KIF13B: variants seen among roughly 807,000 people sequenced by gnomAD.
KIF13B encodes the protein kinesin-like protein KIF13B.
KIF13B carries 127 observed loss-of-function variants against 222.0 expected under a neutral mutation model. That is an observed-to-expected ratio of 0.57 (90% CI 0.50 to 0.66). The LOEUF is 0.66. Among genes scored for constraint, KIF13B ranks in the 30% least tolerant of loss-of-function variants. The pLI is 0.00. For missense variants in KIF13B, 2,173 were observed against 2,379.0 expected (o/e 0.91, Z 1.80); for synonymous variants, 976 against 919.0 (o/e 1.06, Z -1.12).
At chr8:29,110,164 A>C in intron 32 of KIF13B, 94 bp from the exon 33 acceptor site, 3 of 1,077,044 alleles carry the variant, frequency 2.8e-6, no homozygotes, top group Non-Finnish European at 4.0e-6. Context: ...ACGTATTCCA[A>C]AATTCCATTT....
At chr8:29,240,035 A>AG (rs1168342946) in intron 2 of KIF13B, among the ~76,000 whole-genome samples, 7 of 149,480 alleles carry the variant, frequency 4.7e-5, no homozygotes, top group African/African-American at 1.7e-4. Flanking sequence ...AACACAAAAG[A>AG]GGAAAAAAAA....
At chr8:29,176,011 T>C in intron 10 of KIF13B, 57 bp downstream of exon 10, 1 of 982,956 alleles carries the variant, frequency 1.0e-6, no homozygotes, top group Non-Finnish European at 1.6e-6. Flanking sequence ...TACTCTTTTT[T>C]CTTCCTTCTT....
chr8:29,253,301 G>A (rs576206152), intron 1 of KIF13B, among the ~76,000 whole-genome samples: 1 of 152,278 alleles, frequency 6.6e-6, no homozygotes, highest in Non-Finnish European at 1.5e-5. Context: ...CTATGATTGT[G>A]CTACTACACT....
chr8:29,092,917 A>G, intron 36 of KIF13B, 39 bp from the exon 37 acceptor site: 1 of 1,548,542 alleles, frequency 6.5e-7, no homozygotes, highest in East Asian at 2.3e-5. Context: ...AACAAATACA[A>G]TTACATAGAC....
rs1816746185 is a variant in KIF13B, at chr8:29,263,026, G to C, written c.9C>G (p.Asp3Glu). 1 of 1,597,936 alleles carries C rather than the reference G, an allele frequency of 6.3e-7. No individual in the cohort carries two copies. The highest frequency in any genetic ancestry group is 8.5e-7 in the Non-Finnish European group (1 of 1,173,668). Reference protein sequence around the residue: MGDSKVKVAVRIR... With the variant: MGESKVKVAVRIR... The stretch of plus-strand genomic sequence containing the variant: ...TCCGCACCGCCACTTTCACTTTGGA[G>C]TCCCCCATCCTGCAGCCGCCGAGGA... The change falls in exon 1 of 40, where the codon GAC (aspartate) becomes GAG (glutamate). Residue 3 changes from aspartate to glutamate, a missense_variant. Around this residue, in one of 2 missense-constraint regions of KIF13B, gnomAD observed 1,480 missense variants for 1,722.8 expected, o/e 0.86. Transcript: ENST00000524189.
At chr8:29,235,553 G>C (rs1815470253) in intron 2 of KIF13B, among the ~76,000 whole-genome samples, 1 of 152,146 alleles carries the variant, frequency 6.6e-6, no homozygotes, top group Non-Finnish European at 1.5e-5. Context: ...GAGGCATCTA[G>C]TGCAGACCAC....
rs546899317 is a variant in KIF13B at position 29,119,443 on chromosome 8, C to T, written c.3536-451G>A. ...GGACTGCACCATGGCCCCCTGGTTC[C>T]TCAGGCCCGAGCCTGGCCCTCCCCA... is the stretch of plus-strand genomic sequence containing the variant. On this transcript the variant is annotated intron_variant, in intron 29 of 39. Transcript: ENST00000524189. 5.3e-5 allele frequency among the ~76,000 whole-genome samples: 8 copies of T among 152,310 alleles called. No individual in the cohort carries two copies. In the East Asian group the frequency reaches 7.7e-4, roughly 15 times the overall value.
intron 6 of KIF13B, 96 bp from the exon 7 acceptor site, chr8:29,182,102 A>C: frequency 1.1e-6 from 1 of 877,564 alleles, no homozygotes; most frequent in Non-Finnish European, 1.8e-6. Context: ...GAATCCAAGA[A>C]AGACCCCAAA....
intron 1 of KIF13B, among the ~76,000 whole-genome samples, chr8:29,254,429 G>A (rs1816396415): frequency 6.6e-6 from 1 of 152,162 alleles, no homozygotes; most frequent in Admixed American, 6.5e-5. Flanking sequence ...TAACAGAATG[G>A]TATACAGAAT....
intron 1 of KIF13B, among the ~76,000 whole-genome samples, chr8:29,246,143 G>A (rs1816010609): frequency 6.6e-6 from 1 of 152,194 alleles, no homozygotes; most frequent in African/African-American, 2.4e-5. Context: ...ACTTTGGGAG[G>A]CCGAGGCGGG....
Position 29,070,814 on chromosome 8 carries a change from G to T in KIF13B, c.5219-48C>A. Reference sequence around the variant, plus strand: ...TATGGAGGGCAGCCGAGCTGCAGACGGCCCCCTGCACCTCCCTTACCTCTG... The same window carrying T: ...TATGGAGGGCAGCCGAGCTGCAGACTGCCCCCTGCACCTCCCTTACCTCTG... On this transcript the variant is annotated intron_variant, in intron 39 of 39. Transcript: ENST00000524189. This position sits in a 1 kb window ranked among gnomAD's most constrained non-coding sequence, Gnocchi z 4.1. 1 of 1,560,918 alleles carries T rather than the reference G, an allele frequency of 6.4e-7. No individual in the cohort carries two copies. Among genetic ancestry groups the T allele is most frequent in the South Asian group, 1.2e-5 (1 of 84,860 alleles).
intron 2 of KIF13B, among the ~76,000 whole-genome samples, chr8:29,236,011 A>G (rs1259160145): frequency 6.6e-6 from 1 of 152,232 alleles, no homozygotes; most frequent in Non-Finnish European, 1.5e-5. Context: ...TCCACAGGAC[A>G]GAACAAATGA....
intron 14 of KIF13B, 65 bp downstream of exon 14, chr8:29,155,661 G>A (rs376936312): frequency 5.0e-6 from 7 of 1,401,808 alleles, no homozygotes; most frequent in Admixed American, 1.9e-5. Flanking sequence ...GGCCACTGTT[G>A]CCACTAGAGT....
chr8:29,245,491 A>T, intron 1 of KIF13B, 52 bp from the exon 2 acceptor site: 1 of 1,335,656 alleles, frequency 7.5e-7, no homozygotes, highest in Non-Finnish European at 1.0e-6. Context: ...AATTTATTTC[A>T]GAAAAGGCAA....
At chr8:29,244,763 C>T (rs1815946272) in intron 2 of KIF13B, among the ~76,000 whole-genome samples, 1 of 152,162 alleles carries the variant, frequency 6.6e-6, no homozygotes, top group South Asian at 2.1e-4. Context: ...GTTCATACTA[C>T]CATACATATC....
At chr8:29,200,701 A>G (rs576251537) in intron 2 of KIF13B, among the ~76,000 whole-genome samples, 1 of 152,268 alleles carries the variant, frequency 6.6e-6, no homozygotes, top group Admixed American at 6.5e-5. Flanking sequence ...TTTTTGGTCC[A>G]AGACCTTGTG....
At chr8:29,129,441 A>T (rs1810251715) in intron 24 of KIF13B, among the ~76,000 whole-genome samples, 1 of 152,228 alleles carries the variant, frequency 6.6e-6, no homozygotes, top group Admixed American at 6.5e-5. Context: ...GGGGTCAGAG[A>T]ACAAGTGTTT....
At position 29,194,250 on chromosome 8, in the gene KIF13B, G is replaced by C. The variant is rs1485578751; in HGVS notation, c.162+1937C>G. ...GAAGGCCAACTGTATATTTATCAGA[G>C]ATAGGTTCTAAATGGCACTCTCCTC... On this transcript the variant is annotated intron_variant, in intron 3 of 39. Transcript: ENST00000524189. Among the ~76,000 whole-genome samples the C allele has an allele frequency of 3.3e-5, 5 of 150,782 alleles. No homozygotes were observed. In the South Asian group the frequency reaches 6.3e-4, roughly 19 times the overall value.
intron 37 of KIF13B, among the ~76,000 whole-genome samples, chr8:29,087,883 C>T (rs1026389776): frequency 6.6e-6 from 1 of 151,706 alleles, no homozygotes; most frequent in African/African-American, 2.4e-5. Context: ...GCCTGGGCAA[C>T]AGAGCGAGAC....
Sources: allele counts gnomAD v4.1 joint callset (sites outside exome capture counted in the v4.1 genomes callset), GRCh38; gene constraint gnomAD v4.1.1; regional missense constraint gnomAD v4.1.1; non-coding constraint Gnocchi (gnomAD v3.1); transcripts MANE v1.5; gene names NCBI Gene and HGNC (gene_info 2026-07-23, HGNC 2026-07-21).